ATP2B2: variants seen among roughly 807,000 people sequenced by gnomAD.
ATP2B2 encodes ATPase plasma membrane Ca2+ transporting 2.
In ATP2B2, 15 loss-of-function variants were observed where a neutral mutation model predicts 120.0. The observed-to-expected ratio is 0.12, with a 90% CI of 0.08 to 0.19. The LOEUF is 0.19. Ranked by LOEUF, ATP2B2 falls within the 10% of genes least tolerant of loss-of-function variation. ATP2B2 has a pLI of 1.00. For missense variants in ATP2B2, 1,045 were observed against 1,719.8 expected (o/e 0.61, Z 6.94); for synonymous variants, 694 against 700.3 (o/e 0.99, Z 0.14).
chr3:10,474,540 C>T (rs985241474), intron 1 of ATP2B2, among the ~76,000 whole-genome samples: 1 of 152,250 alleles, frequency 6.6e-6, no homozygotes, highest in Admixed American at 6.5e-5. Flanking sequence ...ACCGGAGCCA[C>T]GCAGCCACCC....
chr3:10,497,905 C>T (rs929593903), intron 1 of ATP2B2, among the ~76,000 whole-genome samples: 1 of 152,152 alleles, frequency 6.6e-6, no homozygotes, highest in Admixed American at 6.5e-5. Flanking sequence ...AGGGACTCAC[C>T]GCAACTGAGC....
intron 1 of ATP2B2, among the ~76,000 whole-genome samples, chr3:10,694,918 C>G (rs1173841656): frequency 6.6e-6 from 1 of 151,904 alleles, no homozygotes; most frequent in African/African-American, 2.4e-5. Context: ...GTCTCTATGG[C>G]CCTAATTAAT....
At chr3:10,514,983 G>A (rs2066848696) in intron 3 of ATP2B2, among the ~76,000 whole-genome samples, 1 of 152,232 alleles carries the variant, frequency 6.6e-6, no homozygotes, top group Non-Finnish European at 1.5e-5. Context: ...GACCTCCCCA[G>A]GGGCTGGTTA....
Position 10,402,496 on chromosome 3 carries a change from G to A in ATP2B2, c.398-148C>T. 8.0e-7 allele frequency: 1 copy of A among 1,247,096 alleles called. No homozygotes were observed. Among genetic ancestry groups the A allele is most frequent in the South Asian group, 1.3e-5 (1 of 79,348 alleles). 77.3% of individuals were successfully genotyped at this position (1,247,096 alleles called of 1,614,324 possible). ...CTTACTCAGTGTGTCTGGGTACCAA[G>A]CCCTGTGGAAAGTGCTTCACGCAGA... On this transcript the variant is annotated intron_variant, in intron 3 of 22. Coordinates refer to ENST00000360273, the MANE Select transcript of ATP2B2 (RefSeq NM_001001331.4). The surrounding 1 kb of genome is among the most constrained non-coding windows in gnomAD (Gnocchi z 4.9).
intron 2 of ATP2B2, among the ~76,000 whole-genome samples, chr3:10,589,563 A>C (rs1045843824): frequency 3.3e-5 from 5 of 152,194 alleles, no homozygotes; most frequent in Admixed American, 6.5e-5. Flanking sequence ...CAGGCAATCA[A>C]GTTTCCAAAC....
intron 2 of ATP2B2, among the ~76,000 whole-genome samples, chr3:10,551,132 T>C (rs1368031418): frequency 6.6e-6 from 1 of 152,220 alleles, no homozygotes; most frequent in Admixed American, 6.5e-5. Context: ...CAGCAGGGCA[T>C]ACCAAGTCGC....
chr3:10,626,469 T>A (rs2069701635), intron 1 of ATP2B2: 1 of 152,078 alleles, frequency 6.6e-6, no homozygotes, highest in Admixed American at 6.5e-5. Context: ...GTCACAGAAT[T>A]GATGCTTAGT....
Position 10,375,007 on chromosome 3 carries a change from G to A in ATP2B2, c.1416+423C>T, listed in dbSNP as rs1305917005. 6.6e-6 allele frequency among the ~76,000 whole-genome samples: 1 copy of A among 152,210 alleles called. No individual in the cohort carries two copies. Among genetic ancestry groups the A allele is most frequent in the South Asian group, 2.1e-4 (1 of 4,824 alleles). The stretch of plus-strand genomic sequence containing the variant: ...ACCGCCAGACTTCTACGTAAATTTG[G>A]TGGGGTAAGGATGAATTCTGGCTTG... On this transcript the variant is annotated intron_variant, in intron 11 of 22. Coordinates refer to ENST00000360273, the MANE Select transcript of ATP2B2 (RefSeq NM_001001331.4). The surrounding 1 kb of genome is among the most constrained non-coding windows in gnomAD (Gnocchi z 4.2).
At chr3:10,436,898 GA>G (rs1391611565) in intron 2 of ATP2B2, among the ~76,000 whole-genome samples, 1 of 147,184 alleles carries the variant, frequency 6.8e-6, no homozygotes, top group Non-Finnish European at 1.5e-5. Context: ...TGTCTTCGTG[GA>G]GGTGTTGCCA....
At chr3:10,584,269 C>G (rs977470619) in intron 2 of ATP2B2, among the ~76,000 whole-genome samples, 1 of 152,128 alleles carries the variant, frequency 6.6e-6, no homozygotes, top group South Asian at 2.1e-4. Flanking sequence ...GGAGAACAGG[C>G]AGGGGATGAG....
intron 2 of ATP2B2, among the ~76,000 whole-genome samples, chr3:10,558,330 G>A (rs968864239): frequency 2.0e-5 from 3 of 152,178 alleles, no homozygotes; most frequent in Non-Finnish European, 2.9e-5. Flanking sequence ...AGTGCACGTG[G>A]TCTGTGAGCC....
In ATP2B2 at chr3:10,601,359, A is replaced by G. The variant is rs565588949; in HGVS notation, c.-415+18558T>C. ...TGGCTGGTCCCTGGGACAGGCTCCA[A>G]TTGTGGCTTATTCAGCCTCAACCCC... On this transcript the variant is annotated intron_variant, in intron 2 of 21. Coordinates refer to the ATP2B2 transcript ENST00000646379. Among the ~76,000 whole-genome samples the G allele has an allele frequency of 3.1e-4, 47 of 152,266 alleles. 1 individual carries two copies. The highest frequency in any genetic ancestry group is 5.7e-4 in the Non-Finnish European group (39 of 68,010).
At chr3:10,610,356 C>T (rs756242762) in intron 2 of ATP2B2, among the ~76,000 whole-genome samples, 20 of 151,976 alleles carry the variant, frequency 1.3e-4, no homozygotes, top group Non-Finnish European at 2.5e-4. Flanking sequence ...ACTATCCATC[C>T]CAGTTCCCCA....
chr3:10,498,850 C>T (rs2066265691), intron 1 of ATP2B2, among the ~76,000 whole-genome samples: 1 of 152,188 alleles, frequency 6.6e-6, no homozygotes. Context: ...ATCAAATCCA[C>T]CCTCCTTGGA....
intron 2 of ATP2B2, among the ~76,000 whole-genome samples, chr3:10,440,407 T>TCTA (rs1425641378): frequency 6.6e-6 from 1 of 152,154 alleles, no homozygotes; most frequent in Non-Finnish European, 1.5e-5. Context: ...AACCTGACAG[T>TCTA]CTACATACAC....
intron 1 of ATP2B2, among the ~76,000 whole-genome samples, chr3:10,488,397 G>C (rs71624904): frequency 1 from 143,920 of 144,378 alleles, 71,733 homozygotes; most frequent in Admixed American, 1. Flanking sequence ...ATCCATCCAT[G>C]TGCCCATCCA....
At chr3:10,558,856 G>A (rs1243843238) in intron 2 of ATP2B2, among the ~76,000 whole-genome samples, 1 of 152,126 alleles carries the variant, frequency 6.6e-6, no homozygotes, top group Admixed American at 6.6e-5. Flanking sequence ...GGAGAGGGGA[G>A]GGGAGGAAAG....
At chr3:10,628,708 A>G (rs1328311187) in intron 1 of ATP2B2, among the ~76,000 whole-genome samples, 1 of 152,194 alleles carries the variant, frequency 6.6e-6, no homozygotes, top group East Asian at 1.9e-4. Context: ...TCTTTCCTGC[A>G]TCCCTTTGGA....
chr3:10,514,262 C>T lies in ATP2B2; in HGVS notation c.-320+19777G>A, dbSNP rs1331446614. ...AACACTTGGGTTCTGCCAGGGTGTC[C>T]AGTGAGTGGTTGAGGGGAGCAGGGA... On this transcript the variant is annotated intron_variant, in intron 3 of 21. Transcript: ENST00000646379. Among the ~76,000 whole-genome samples the T allele has an allele frequency of 2.0e-5, 3 of 152,078 alleles. No homozygotes were observed. The East Asian group carries it at 5.8e-4, about 29-fold the overall frequency.
Sources: gnomAD v4.1 joint callset for allele counts (sites outside exome capture counted in the v4.1 genomes callset) on GRCh38, gnomAD v4.1.1 for gene constraint, Gnocchi (gnomAD v3.1) non-coding constraint, MANE v1.5 for transcripts, NCBI Gene and HGNC (gene_info 2026-07-23, HGNC 2026-07-21) for gene names.